Variants in JAK2 observed in about 807,000 individuals in gnomAD.
JAK2 encodes tyrosine-protein kinase JAK2.
In JAK2, 86 loss-of-function variants were observed where a neutral mutation model predicts 139.3. That is an observed-to-expected ratio of 0.62 (90% CI 0.52 to 0.74). The LOEUF (loss-of-function observed/expected upper bound fraction) is 0.74, where lower values mean the gene tolerates loss of function less well. Ranked by LOEUF, JAK2 falls within the 30% of genes least tolerant of loss-of-function variation. The pLI, the probability that JAK2 is intolerant of heterozygous loss-of-function variation, is 0.00. For synonymous variants in JAK2, 490 were observed against 437.7 expected, an observed-to-expected ratio of 1.12 and a Z score of -1.49; for missense variants, 1,421 against 1,360.3, an observed-to-expected ratio of 1.04 and a Z score of -0.70.
chr9:5,041,559 G>T, intron 4 of JAK2: 1 of 525,536 alleles, frequency 1.9e-6, no homozygotes, highest in South Asian at 1.5e-5. Flanking sequence ...AGAGGAGATG[G>T]CTACGTACCT....
intron 22 of JAK2, among the ~76,000 whole-genome samples, chr9:5,120,391 AT>A (rs1412111508): frequency 1.3e-5 from 2 of 152,232 alleles, no homozygotes; most frequent in Non-Finnish European, 2.9e-5. Context: ...AAAGAACTCA[AT>A]TTTTATTCAC....
In JAK2 at chr9:5,021,945, TA is replaced by T; in HGVS notation, c.-25-17del. The T allele has an allele frequency of 6.8e-7, 1 of 1,470,876 alleles. No homozygotes were observed. Among genetic ancestry groups the T allele is most frequent in the South Asian group, 1.1e-5 (1 of 87,140 alleles). 91.1% of individuals were successfully genotyped at this position (1,470,876 alleles called of 1,614,324 possible). A position where few individuals can be genotyped will look rare whatever the true frequency, so the allele number is the denominator to read the frequency against. On this transcript the variant is annotated splice_polypyrimidine_tract_variant and intron_variant, in intron 2 of 24. Coordinates refer to ENST00000381652, the MANE Select transcript of JAK2 (RefSeq NM_004972.4). ...ACTGCGCCCAGCCCATTTGTAACTT[TA>T]TTGTTTTCTCTTACAGGCAAATGTT...
chr9:5,112,847 T>A, intron 22 of JAK2: 1 of 500,724 alleles, frequency 2.0e-6, no homozygotes, highest in Non-Finnish European at 3.2e-6. Context: ...TGGGCACGTG[T>A]GAAAGGTACG....
At chr9:5,105,529 A>C (rs1001681652) in intron 22 of JAK2, among the ~76,000 whole-genome samples, 2 of 152,360 alleles carry the variant, frequency 1.3e-5, no homozygotes, top group Non-Finnish European at 1.5e-5. Flanking sequence ...CCATCAAGCT[A>C]CCAATGACTT....
At chr9:5,091,045 C>CTTT in intron 22 of JAK2, 134 bp downstream of exon 22, 2 of 529,240 alleles carry the variant, frequency 3.8e-6, no homozygotes, top group South Asian at 3.0e-5. Context: ...TTACATTTAA[C>CTTT]TTTTTTTTTT....
At position 5,064,267 on chromosome 9, in the gene JAK2, C is replaced by T. The variant is rs557166185; in HGVS notation, c.1057-616C>T. On this transcript the variant is annotated intron_variant, in intron 8 of 24. Transcript: ENST00000381652. The stretch of plus-strand genomic sequence containing the variant: ...TATGTAGGGCTGATGCCGTGGCTCA[C>T]GCCTGTAACCCCAACACTTTGGGAG... Among the ~76,000 whole-genome samples, 18 of 152,266 alleles carry T rather than the reference C, an allele frequency of 1.2e-4. No individual in the cohort carries two copies. The East Asian group carries it at 1.7e-3, about 15-fold the overall frequency.
chr9:5,114,273 C>G, intron 22 of JAK2: 1 of 544,844 alleles, frequency 1.8e-6, no homozygotes, highest in South Asian at 1.6e-5. Context: ...GGACCTGGCA[C>G]CCAGCAAGGA....
intron 4 of JAK2, among the ~76,000 whole-genome samples, chr9:5,044,188 T>C (rs936264674): frequency 6.6e-6 from 1 of 152,206 alleles, no homozygotes; most frequent in African/African-American, 2.4e-5. Flanking sequence ...CTGAAGGAGG[T>C]AGTATATTGA....
At chr9:5,104,625 A>G (rs912568394) in intron 22 of JAK2, among the ~76,000 whole-genome samples, 2 of 152,318 alleles carry the variant, frequency 1.3e-5, no homozygotes, top group Admixed American at 1.3e-4. Flanking sequence ...TTTTAGACCA[A>G]TATCCCTGAT....
intron 22 of JAK2, among the ~76,000 whole-genome samples, chr9:5,101,305 G>A (rs10974963): frequency 0.24 from 36,588 of 152,198 alleles, 4,851 homozygotes; most frequent in South Asian, 0.3. Flanking sequence ...AGATCCACCC[G>A]TGAGGCAGCA....
chr9:4,991,982 A>C (rs1820282373), intron 2 of JAK2, among the ~76,000 whole-genome samples: 1 of 152,100 alleles, frequency 6.6e-6, no homozygotes, highest in East Asian at 1.9e-4. Context: ...AAACTTAGTG[A>C]TTTAAAACAA....
At chr9:5,075,744 T>G (rs1819266567) in intron 14 of JAK2, among the ~76,000 whole-genome samples, 1 of 152,186 alleles carries the variant, frequency 6.6e-6, no homozygotes, top group African/African-American at 2.4e-5. Context: ...CTGTAGCCCA[T>G]GGATCAAGGA....
chr9:5,069,093 G>A lies in JAK2; in HGVS notation c.1398G>A (p.Gly466=). The A allele has an allele frequency of 6.2e-7, 1 of 1,611,286 alleles. No homozygotes were observed. The highest frequency in any genetic ancestry group is 1.1e-5 in the South Asian group (1 of 90,950). The stretch of plus-strand genomic sequence containing the variant: ...AGAATGAAGAGTACAACCTCAGTGG[G>A]ACAAAGAAGAACTTCAGCAGTCTTA... ...KNENEEYNLS[G]TKKNFSSLKD... The change falls in exon 11 of 25, where the codon GGG becomes GGA. Residue 466 remains glycine (G), a synonymous_variant. Transcript: ENST00000381652.
rs746923735 is a variant in JAK2, at chr9:5,044,428, A to T, written c.376A>T (p.Ser126Cys). Residue 126 changes from serine to cysteine, a missense_variant, in exon 5 of 25, where the codon AGT becomes TGT. Physicochemically the swap from Ser to Cys is moderately radical, Grantham distance 112. Transcript: ENST00000381652. Reference protein sequence around the residue: ...IRFYFPRWYCSGSNRAYRHGI... With the variant: ...IRFYFPRWYCCGSNRAYRHGI... Reference sequence around the variant, plus strand: ...ATTTTACTTTCCTCGTTGGTATTGCAGTGGCAGCAACAGAGCCTATCGGCA... The same window carrying T: ...ATTTTACTTTCCTCGTTGGTATTGCTGTGGCAGCAACAGAGCCTATCGGCA... 1 of 1,611,802 alleles carries T rather than the reference A, an allele frequency of 6.2e-7. No homozygotes were observed. Among genetic ancestry groups the T allele is most frequent in the Non-Finnish European group, 8.5e-7 (1 of 1,178,638 alleles).
intron 22 of JAK2, among the ~76,000 whole-genome samples, chr9:5,117,031 C>A (rs1823246925): frequency 6.6e-6 from 1 of 152,194 alleles, no homozygotes; most frequent in Non-Finnish European, 1.5e-5. Context: ...AGGCTTCATG[C>A]AGCATTTGGC....
intron 22 of JAK2, chr9:5,107,974 T>C (rs1047383342): frequency 1.3e-5 from 2 of 152,138 alleles, no homozygotes; most frequent in African/African-American, 4.8e-5. Context: ...AATATGATTC[T>C]CTAAAAATTC....
intron 10 of JAK2, among the ~76,000 whole-genome samples, chr9:5,068,372 T>G (rs2130517182): frequency 6.6e-6 from 1 of 152,204 alleles, no homozygotes; most frequent in African/African-American, 2.4e-5. Context: ...AAATGTAATA[T>G]TAAAGATAAT....
In JAK2 at chr9:5,037,083, A is replaced by G. The variant is rs528131320; in HGVS notation, c.350+7177A>G. ...AGACACTTCTTGAAAGAAGACATTTATGCAGCCAAAAGACATGAAAAAATG... is the reference window on the plus strand; with the variant it reads ...AGACACTTCTTGAAAGAAGACATTTGTGCAGCCAAAAGACATGAAAAAATG... On this transcript the variant is annotated intron_variant, in intron 4 of 24. Transcript: ENST00000381652. Among the ~76,000 whole-genome samples, 52 of 152,364 alleles carry G rather than the reference A, an allele frequency of 3.4e-4. 1 individual carries two copies. Among genetic ancestry groups the G allele is most frequent in the Admixed American group, 1.4e-3 (22 of 15,310 alleles).
chr9:5,004,106 T>G (rs902567658), intron 2 of JAK2, among the ~76,000 whole-genome samples: 3 of 152,196 alleles, frequency 2.0e-5, no homozygotes, highest in Non-Finnish European at 2.9e-5. Flanking sequence ...CTAATTAACA[T>G]ATGTATCACC....
Sources: gnomAD v4.1 joint callset for allele counts (sites outside exome capture counted in the v4.1 genomes callset) on GRCh38, gnomAD v4.1.1 for gene constraint, MANE v1.5 for transcripts, NCBI Gene and HGNC (gene_info 2026-07-23, HGNC 2026-07-21) for gene names.